ARMH3: variants seen among roughly 807,000 people sequenced by gnomAD.
The protein encoded by ARMH3 is armadillo-like helical domain-containing protein 3.
A neutral mutation model predicts 99.1 loss-of-function variants in ARMH3; 60 were observed. That is an observed-to-expected ratio of 0.61 (90% CI 0.49 to 0.75). ARMH3 has a LOEUF of 0.75. Ranked by LOEUF, ARMH3 falls within the 30% of genes least tolerant of loss-of-function variation. The pLI is 0.00. For synonymous variants in ARMH3, 285 were observed against 292.8 expected, an observed-to-expected ratio of 0.97 and a Z score of 0.27; for missense variants, 679 against 843.1, an observed-to-expected ratio of 0.81 and a Z score of 2.41.
chr10:101,975,176 T>C (rs1481385031), intron 20 of ARMH3, 36 bp downstream of exon 20: 2 of 1,560,570 alleles, frequency 1.3e-6, no homozygotes, highest in Admixed American at 3.4e-5. Flanking sequence ...AAAAAAGGTA[T>C]AGAAAAAGGA....
intron 8 of ARMH3, among the ~76,000 whole-genome samples, chr10:102,015,297 G>A (rs192807107): frequency 1.3e-5 from 2 of 152,090 alleles, no homozygotes; most frequent in Admixed American, 1.3e-4. Flanking sequence ...ATGCTGCCAT[G>A]ATGAGAGTAA....
At chr10:102,012,234 A>C (rs2136114060) in intron 10 of ARMH3, among the ~76,000 whole-genome samples, 1 of 152,330 alleles carries the variant, frequency 6.6e-6, no homozygotes, top group South Asian at 2.1e-4. Context: ...AAAAGTCTAG[A>C]GAGGAGCATG....
intron 20 of ARMH3, among the ~76,000 whole-genome samples, chr10:101,966,969 G>T (rs1346975620): frequency 1.3e-5 from 2 of 151,430 alleles, no homozygotes; most frequent in Non-Finnish European, 3.0e-5. Flanking sequence ...TTAAAAACAG[G>T]AAAGAGACAG....
intron 14 of ARMH3, among the ~76,000 whole-genome samples, chr10:102,005,226 T>C (rs1316402152): frequency 6.6e-6 from 1 of 151,076 alleles, no homozygotes; most frequent in Non-Finnish European, 1.5e-5. Flanking sequence ...AAAATAAACA[T>C]ACAAAAATTA....
chr10:101,849,699 A>C (rs2066542103), intron 25 of ARMH3, 77 bp downstream of exon 25: 2 of 1,208,196 alleles, frequency 1.7e-6, no homozygotes, highest in Non-Finnish European at 2.4e-6. Flanking sequence ...ATCTGCAGAT[A>C]AACTGCAGAT....
At chr10:101,956,748 T>C in intron 21 of ARMH3, 25 bp from the exon 22 acceptor site, 4 of 1,610,848 alleles carry the variant, frequency 2.5e-6, no homozygotes, top group African/African-American at 2.7e-5. Flanking sequence ...AAGGCCCATA[T>C]ATAGGCATCA....
chr10:102,037,269 C>A (rs1475980856), intron 2 of ARMH3, among the ~76,000 whole-genome samples: 1 of 149,906 alleles, frequency 6.7e-6, no homozygotes, highest in Admixed American at 6.7e-5. Context: ...GCAACCTCTG[C>A]CTCCCGGGTT....
In ARMH3 at chr10:101,957,646, T is replaced by C; in HGVS notation, c.1578+4A>G. 6.2e-7 allele frequency: 1 copy of C among 1,604,650 alleles called. No homozygotes were observed. Among genetic ancestry groups the C allele is most frequent in the Admixed American group, 1.7e-5 (1 of 58,514 alleles). On this transcript the variant is annotated splice_donor_region_variant and intron_variant, in intron 21 of 25. Transcript: ENST00000370033. ...GAAAAAGAAGTATTTGTTTTGATAC[T>C]CACCATAAGGGCTAATGTAAAAATG... is the stretch of plus-strand genomic sequence containing the variant.
intron 2 of ARMH3, among the ~76,000 whole-genome samples, chr10:102,037,505 A>G (rs918078809): frequency 6.6e-6 from 1 of 151,916 alleles, no homozygotes; most frequent in African/African-American, 2.4e-5. Flanking sequence ...TTTAATGGAG[A>G]ATGGCATAAA....
intron 24 of ARMH3, among the ~76,000 whole-genome samples, chr10:101,852,620 G>A (rs186358928): frequency 6.6e-6 from 1 of 152,072 alleles, no homozygotes; most frequent in South Asian, 2.1e-4. Context: ...GTGGTGGTGC[G>A]CACCTATAAT....
chr10:101,857,689 C>T lies in ARMH3; in HGVS notation c.1861-7797G>A, dbSNP rs530929039. ...AAATTTCCTCAAACTCAAAGGAAGA[C>T]GACTTTTCCTACAAAAATGAGAATG... On this transcript the variant is annotated intron_variant, in intron 24 of 25. Transcript: ENST00000370033. Among the ~76,000 whole-genome samples, 6 of 152,294 alleles carry T rather than the reference C, an allele frequency of 3.9e-5. No homozygotes were observed. The South Asian group carries it at 6.2e-4, about 16-fold the overall frequency.
intron 8 of ARMH3, among the ~76,000 whole-genome samples, chr10:102,016,039 G>C (rs1034547076): frequency 1.3e-5 from 2 of 152,180 alleles, no homozygotes; most frequent in Non-Finnish European, 2.9e-5. Context: ...GAAGGATGAA[G>C]TGTGAGGATC....
intron 24 of ARMH3, among the ~76,000 whole-genome samples, chr10:101,878,371 A>T (rs1247930853): frequency 1.3e-5 from 2 of 152,158 alleles, no homozygotes; most frequent in African/African-American, 4.8e-5. Flanking sequence ...ATCATGTCTC[A>T]CGTCTGTATT....
chr10:101,966,198 C>T (rs1358482095), intron 20 of ARMH3, among the ~76,000 whole-genome samples: 5 of 149,646 alleles, frequency 3.3e-5, no homozygotes, highest in Non-Finnish European at 5.9e-5. Context: ...CTCCACCTCC[C>T]GGGTTCAAGC....
intron 24 of ARMH3, among the ~76,000 whole-genome samples, chr10:101,875,062 G>C (rs544110573): frequency 6.6e-6 from 1 of 152,252 alleles, no homozygotes; most frequent in East Asian, 1.9e-4. Flanking sequence ...CTTCTGCATG[G>C]AAGAAAATAA....
Position 101,956,675 on chromosome 10 carries a change from G to A in ARMH3, c.1627C>T (p.Pro543Ser). 6.2e-7 allele frequency: 1 copy of A among 1,613,592 alleles called. No individual in the cohort carries two copies. The highest frequency in any genetic ancestry group is 1.1e-5 in the South Asian group (1 of 91,054). Residue 543 changes from proline (P) to serine (S), a missense_variant, in exon 22 of 26, where the codon CCA becomes TCA. By Grantham distance (74) the Pro-to-Ser change is moderately conservative (BLOSUM62 -1). Coordinates refer to ENST00000370033, the MANE Select transcript of ARMH3 (RefSeq NM_024541.3). Reference sequence around the variant, plus strand: ...AGTTCATCATAGCTGCTGGGGGTTGGCAGAAATGTGTCGCCATATGTGATA... The same window carrying A: ...AGTTCATCATAGCTGCTGGGGGTTGACAGAAATGTGTCGCCATATGTGATA... ...MFITYGDTFL[P>S]TPSSYDELYY...
chr10:101,900,487 T>G (rs1338748776), intron 23 of ARMH3, among the ~76,000 whole-genome samples: 3 of 152,236 alleles, frequency 2.0e-5, no homozygotes, highest in Admixed American at 6.5e-5. Flanking sequence ...TAATTTTGAT[T>G]AATGGTGAAC....
chr10:101,968,811 C>A (rs1165166988), intron 20 of ARMH3, among the ~76,000 whole-genome samples: 1 of 152,158 alleles, frequency 6.6e-6, no homozygotes, highest in Middle Eastern at 3.2e-3. Context: ...AGCTTCCTGG[C>A]ATTCCTTTTT....
intron 24 of ARMH3, among the ~76,000 whole-genome samples, chr10:101,856,858 C>T (rs2066748743): frequency 6.6e-6 from 1 of 152,116 alleles, no homozygotes; most frequent in African/African-American, 2.4e-5. Context: ...TTCTCCTTCC[C>T]ATAATGTGGA....
Sources: gnomAD v4.1 joint callset for allele counts (sites outside exome capture counted in the v4.1 genomes callset) on GRCh38, gnomAD v4.1.1 for gene constraint, MANE v1.5 for transcripts, NCBI Gene and HGNC (gene_info 2026-07-23, HGNC 2026-07-21) for gene names.